Variants in LRP1B observed in about 807,000 individuals in gnomAD.
LRP1B encodes low-density lipoprotein receptor-related protein 1B.
In LRP1B, 217 loss-of-function variants were observed where a neutral mutation model predicts 556.6. The ratio of observed to expected loss-of-function variants is 0.39; its 90% CI spans 0.35 to 0.44. The LOEUF (loss-of-function observed/expected upper bound fraction) is 0.44, where lower values mean the gene tolerates loss of function less well. LRP1B is among the 20% of genes least tolerant of loss of function. The probability of loss-of-function intolerance (pLI) is 1.00; values close to 1 mark genes in which losing one functional copy is unlikely to be tolerated. For missense variants in LRP1B, 5,053 were observed against 5,620.8 expected (o/e 0.90, Z 3.23); for synonymous variants, 2,047 against 1,865.8 (o/e 1.10, Z -2.50).
At chr2:140,536,527 G>C (rs1574053914) in intron 46 of LRP1B, 54 bp downstream of exon 46, 1 of 1,559,514 alleles carries the variant, frequency 6.4e-7, no homozygotes, top group Non-Finnish European at 8.7e-7. Flanking sequence ...ACCAAAAACT[G>C]TAAAGAATCA....
At chr2:140,439,443 C>T (rs1461361497) in intron 66 of LRP1B, among the ~76,000 whole-genome samples, 1 of 152,066 alleles carries the variant, frequency 6.6e-6, no homozygotes, top group Non-Finnish European at 1.5e-5. Flanking sequence ...ATTAACAACT[C>T]ACAAAATGAA....
At chr2:141,519,359 T>TTA (rs1559118033) in intron 2 of LRP1B, among the ~76,000 whole-genome samples, 4 of 57,298 alleles carry the variant, frequency 7.0e-5, no homozygotes, top group African/African-American at 2.7e-4. Context: ...CTTAAGTCAA[T>TTA]GATATATATA....
At chr2:141,729,379 A>G (rs1693180199) in intron 2 of LRP1B, among the ~76,000 whole-genome samples, 1 of 152,042 alleles carries the variant, frequency 6.6e-6, no homozygotes, top group African/African-American at 2.4e-5. Flanking sequence ...TGGCTTAGGT[A>G]TTACTGGTTT....
At chr2:140,258,826 T>G (rs940372553) in intron 86 of LRP1B, among the ~76,000 whole-genome samples, 13 of 152,156 alleles carry the variant, frequency 8.5e-5, no homozygotes, top group African/African-American at 3.1e-4. Context: ...TTTTGTGCCT[T>G]GTTTACCATT....
chr2:141,466,280 A>T (rs1682195813), intron 3 of LRP1B, among the ~76,000 whole-genome samples: 1 of 152,206 alleles, frequency 6.6e-6, no homozygotes, highest in Non-Finnish European at 1.5e-5. Context: ...CACAGAGTTA[A>T]TTAATGACCA....
chr2:141,770,891 A>G (rs1459957436), intron 2 of LRP1B, among the ~76,000 whole-genome samples: 1 of 152,228 alleles, frequency 6.6e-6, no homozygotes, highest in African/African-American at 2.4e-5. Flanking sequence ...TAATTGCAAA[A>G]ATAGCCCTCA....
chr2:140,895,338 T>C (rs1195170910), intron 23 of LRP1B, among the ~76,000 whole-genome samples: 1 of 152,136 alleles, frequency 6.6e-6, no homozygotes, highest in African/African-American at 2.4e-5. Context: ...CAAACAGCAA[T>C]GGAGCCAGAA....
At chr2:140,336,544 G>C (rs1240818270) in intron 77 of LRP1B, among the ~76,000 whole-genome samples, 1 of 151,916 alleles carries the variant, frequency 6.6e-6, no homozygotes, top group Non-Finnish European at 1.5e-5. Flanking sequence ...TTTCAGCAAT[G>C]TGAGAAAAAC....
chr2:141,150,087 T>G (rs1329998089), intron 7 of LRP1B, among the ~76,000 whole-genome samples: 1 of 152,116 alleles, frequency 6.6e-6, no homozygotes, highest in Non-Finnish European at 1.5e-5. Flanking sequence ...GTGGTGGTTA[T>G]GAAGTGGGCC....
At chr2:140,693,286 A>G (rs1434976688) in intron 41 of LRP1B, among the ~76,000 whole-genome samples, 2 of 152,166 alleles carry the variant, frequency 1.3e-5, no homozygotes, top group African/African-American at 4.8e-5. Context: ...TACTATCAAC[A>G]TGTGCAGTTT....
At chr2:142,014,143 C>T (rs1230764544) in intron 1 of LRP1B, among the ~76,000 whole-genome samples, 3 of 140,448 alleles carry the variant, frequency 2.1e-5, no homozygotes, top group South Asian at 2.1e-4. Flanking sequence ...TTCCCTACTC[C>T]GTCTGTGGAG....
intron 1 of LRP1B, among the ~76,000 whole-genome samples, chr2:141,892,181 C>G (rs1210763956): frequency 1.3e-5 from 2 of 151,224 alleles, no homozygotes; most frequent in Non-Finnish European, 3.0e-5. Flanking sequence ...AATGAGGGAT[C>G]AAATACAAAA....
At chr2:141,219,176 G>A (rs1487262702) in intron 6 of LRP1B, among the ~76,000 whole-genome samples, 2 of 152,210 alleles carry the variant, frequency 1.3e-5, no homozygotes, top group Admixed American at 6.5e-5. Flanking sequence ...AGTGGCTTCA[G>A]GCTGGACACT....
At chr2:140,330,166 C>A (rs528875689) in intron 79 of LRP1B, among the ~76,000 whole-genome samples, 1 of 149,964 alleles carries the variant, frequency 6.7e-6, no homozygotes, top group Non-Finnish European at 1.5e-5. Flanking sequence ...CATCACTGAA[C>A]TACAGCCTGG....
At chr2:142,067,554 C>T (rs1233014061) in intron 1 of LRP1B, among the ~76,000 whole-genome samples, 1 of 151,472 alleles carries the variant, frequency 6.6e-6, no homozygotes, top group Non-Finnish European at 1.5e-5. Context: ...GAAGTCATCC[C>T]TTATTCACTG....
At chr2:140,370,990 G>T (rs1441533852) in intron 70 of LRP1B, 148 bp from the exon 71 acceptor site, 3 of 979,390 alleles carry the variant, frequency 3.1e-6, no homozygotes, top group Non-Finnish European at 4.5e-6. Context: ...TTCTACAAAT[G>T]AGAATGAGCT....
intron 2 of LRP1B, among the ~76,000 whole-genome samples, chr2:141,733,895 A>C (rs990853479): frequency 6.6e-6 from 1 of 152,150 alleles, no homozygotes; most frequent in Non-Finnish European, 1.5e-5. Flanking sequence ...ATGTATGTAC[A>C]TAATTATTAT....
At chr2:140,870,926 G>C (rs989910219) in intron 25 of LRP1B, among the ~76,000 whole-genome samples, 4 of 152,012 alleles carry the variant, frequency 2.6e-5, no homozygotes, top group Admixed American at 6.6e-5. Flanking sequence ...AATATAGTCT[G>C]TTACAGAAAA....
intron 7 of LRP1B, among the ~76,000 whole-genome samples, chr2:141,146,378 C>T (rs957554172): frequency 5.3e-5 from 8 of 152,128 alleles, no homozygotes; most frequent in African/African-American, 1.9e-4. Context: ...TTCTTAAATA[C>T]AGTGAAAGCA....
Sources: gnomAD v4.1 joint callset for allele counts (sites outside exome capture counted in the v4.1 genomes callset) on GRCh38, gnomAD v4.1.1 for gene constraint, MANE v1.5 for transcripts, NCBI Gene and HGNC (gene_info 2026-07-23, HGNC 2026-07-21) for gene names.